The following LYRM4 variants were observed in gnomAD, a reference collection of about 807,000 sequenced individuals.
The protein encoded by LYRM4 is LYR motif-containing protein 4.
Under a neutral mutation model 11.7 loss-of-function variants are expected in LYRM4, and 9 were observed. The observed-to-expected ratio is 0.77, with a 90% CI of 0.46 to 1.34. The LOEUF is 1.34. Among genes scored for constraint, LYRM4 ranks in the 40% most tolerant of loss-of-function variants. The pLI, the probability that LYRM4 is intolerant of heterozygous loss-of-function variation, is 0.00. For synonymous variants in LYRM4, 42 were observed against 40.4 expected (o/e 1.04, Z -0.15); for missense variants, 133 against 112.5 (o/e 1.18, Z -0.82).
At position 5,130,460 on chromosome 6, in the gene LYRM4, C is replaced by T. The variant is rs753945031; in HGVS notation, c.208-20969G>A. 6.2e-4 allele frequency among the ~76,000 whole-genome samples: 95 copies of T among 152,320 alleles called. 2 individuals carry two copies. In the Middle Eastern group the frequency reaches 0.01, roughly 16 times the overall value. On this transcript the variant is annotated intron_variant, in intron 2 of 2. Coordinates refer to ENST00000330636, the MANE Select transcript of LYRM4 (RefSeq NM_020408.6). Reference sequence around the variant, plus strand: ...CGCCACTGCTGCCCCACTGGTCCTCCGGAGCAGGGAGCCACTCACGTTTAC... The same window carrying T: ...CGCCACTGCTGCCCCACTGGTCCTCTGGAGCAGGGAGCCACTCACGTTTAC...
rs532069236 is a variant in LYRM4, at chr6:5,179,254, G to A, written c.207+37364C>T. ...TTTTTTAAAAAGTGTTTAATTATTC[G>A]TAGCAAAATTTACCATTTAAACTGC... On this transcript the variant is annotated intron_variant, in intron 2 of 2. Transcript: ENST00000330636. Among the ~76,000 whole-genome samples the A allele has an allele frequency of 2.2e-3, 329 of 151,988 alleles. 4 individuals are homozygous for A. Among genetic ancestry groups the A allele is most frequent in the Non-Finnish European group, 1.1e-3 (72 of 67,982 alleles).
At chr6:5,206,846 G>A (rs1317523059) in intron 2 of LYRM4, among the ~76,000 whole-genome samples, 3 of 151,714 alleles carry the variant, frequency 2.0e-5, no homozygotes, top group South Asian at 2.1e-4. Flanking sequence ...AATTCTTAGC[G>A]CCTTTTCAGT....
the LYRM4 span, among the ~76,000 whole-genome samples, chr6:5,053,281 C>A: frequency 6.6e-6 from 1 of 152,238 alleles, no homozygotes; most frequent in Middle Eastern, 3.4e-3. Context: ...GACAGATAAA[C>A]CCTTTCCTCT....
chr6:5,064,364 AT>A, the LYRM4 span, among the ~76,000 whole-genome samples: 1 of 152,112 alleles, frequency 6.6e-6, no homozygotes, highest in African/African-American at 2.4e-5. Context: ...TTTAAAAATA[AT>A]TAATATGTTT....
intron 2 of LYRM4, among the ~76,000 whole-genome samples, chr6:5,144,647 A>AAG (rs1757608542): frequency 6.6e-6 from 1 of 151,256 alleles, no homozygotes; most frequent in Non-Finnish European, 1.5e-5. Flanking sequence ...AAAAAAAAAA[A>AAG]AAAAAAAAGA....
At chr6:5,160,662 C>A (rs372757946) in intron 2 of LYRM4, among the ~76,000 whole-genome samples, 4 of 145,332 alleles carry the variant, frequency 2.8e-5, no homozygotes, top group South Asian at 2.2e-4. Flanking sequence ...ACCCCCCCCC[C>A]AGCAATGTGG....
At chr6:5,040,680 T>C in the LYRM4 span, among the ~76,000 whole-genome samples, 81 of 152,276 alleles carry the variant, frequency 5.3e-4, no homozygotes, top group African/African-American at 1.9e-3. Flanking sequence ...AAAAGATAAA[T>C]GTTTAAGGTG....
intron 2 of LYRM4, among the ~76,000 whole-genome samples, chr6:5,184,024 T>G (rs1478500231): frequency 6.6e-6 from 1 of 152,202 alleles, no homozygotes; most frequent in Admixed American, 6.5e-5. Flanking sequence ...ACACCATAAA[T>G]ACATACAATT....
chr6:5,127,944 T>G (rs1284056077), intron 2 of LYRM4, among the ~76,000 whole-genome samples: 1 of 152,208 alleles, frequency 6.6e-6, no homozygotes, highest in Non-Finnish European at 1.5e-5. Flanking sequence ...CACAGGAAGT[T>G]GCAAAAAATA....
At chr6:5,159,825 T>G (rs75519102) in intron 2 of LYRM4, among the ~76,000 whole-genome samples, 4,616 of 152,350 alleles carry the variant, frequency 0.03, 79 homozygotes, top group Non-Finnish European at 0.046. Flanking sequence ...CTTTGGCTTC[T>G]ATCAAACACA....
intron 2 of LYRM4, among the ~76,000 whole-genome samples, chr6:5,169,670 A>T (rs545712269): frequency 6.6e-6 from 1 of 152,344 alleles, no homozygotes; most frequent in Non-Finnish European, 1.5e-5. Context: ...TTCTTTTTCA[A>T]CTTTGAAAGT....
At chr6:5,033,921 G>C in the LYRM4 span, 1 of 152,300 alleles carries the variant, frequency 6.6e-6, no homozygotes, top group African/African-American at 2.4e-5. Context: ...GTAGTCCAAG[G>C]CATCTGTTCC....
the LYRM4 span, among the ~76,000 whole-genome samples, chr6:5,093,666 A>G: frequency 3.9e-5 from 6 of 152,386 alleles, no homozygotes; most frequent in East Asian, 9.6e-4. Flanking sequence ...AAGGGTTTCT[A>G]TAACAATTTG....
intron 2 of LYRM4, among the ~76,000 whole-genome samples, chr6:5,163,607 C>A (rs1758895906): frequency 1.4e-5 from 2 of 144,594 alleles, no homozygotes; most frequent in African/African-American, 5.2e-5. Flanking sequence ...TTGCTAGTCC[C>A]AGGACTGCAT....
At chr6:5,078,465 G>A in the LYRM4 span, among the ~76,000 whole-genome samples, 2 of 152,146 alleles carry the variant, frequency 1.3e-5, no homozygotes, top group African/African-American at 2.4e-5. Context: ...GTATGAGGAC[G>A]ATAAATGATG....
rs1215906125 is a variant in LYRM4 at position 5,109,178 on chromosome 6, T to C, written c.*245A>G. 1.5e-6 allele frequency: 2 copies of C among 1,360,564 alleles called. No homozygotes were observed. The highest frequency in any genetic ancestry group is 2.7e-5 in the East Asian group (1 of 37,336). 84.3% of individuals were successfully genotyped at this position (1,360,564 alleles called of 1,614,324 possible). A position where few individuals can be genotyped will look rare whatever the true frequency, so the allele number is the denominator to read the frequency against. On this transcript the variant is annotated 3_prime_UTR_variant, in exon 3 of 3. Transcript: ENST00000330636. ...GTAGGAATGGGGTGCAGGGGAGACG[T>C]GGTAACACACAGCACTATTCTGAAC...
At chr6:5,123,086 C>G (rs1024117563) in intron 2 of LYRM4, among the ~76,000 whole-genome samples, 1 of 152,186 alleles carries the variant, frequency 6.6e-6, no homozygotes, top group Admixed American at 6.5e-5. Flanking sequence ...TCCTTTGTCT[C>G]CCCCCACCCA....
At position 5,108,500 on chromosome 6, in the gene LYRM4, G is replaced by T; in HGVS notation, c.*923C>A. 1 of 798,968 alleles carries T rather than the reference G, an allele frequency of 1.3e-6. No homozygotes were observed. 49.5% of individuals were successfully genotyped at this position (798,968 alleles called of 1,614,324 possible). On this transcript the variant is annotated 3_prime_UTR_variant, in exon 3 of 3. Coordinates refer to ENST00000330636, the MANE Select transcript of LYRM4 (RefSeq NM_020408.6). ...CCCAGTTGGTTAAACATTGAAAACA[G>T]TGGGAGAGCTTCAGAATAGAGAAAA... is the stretch of plus-strand genomic sequence containing the variant.
At chr6:5,049,887 C>G in the LYRM4 span, among the ~76,000 whole-genome samples, 107 of 152,330 alleles carry the variant, frequency 7.0e-4, no homozygotes, top group Non-Finnish European at 1.2e-3. Context: ...CCAGGTTGGT[C>G]TTGAACTCCT....
Sources: gnomAD v4.1 joint callset for allele counts (sites outside exome capture counted in the v4.1 genomes callset) on GRCh38, gnomAD v4.1.1 for gene constraint, MANE v1.5 for transcripts, NCBI Gene and HGNC (gene_info 2026-07-23, HGNC 2026-07-21) for gene names.